Variants in CLUAP1 observed in about 807,000 individuals in gnomAD.
The protein encoded by CLUAP1 is intraflagellar transport 38.
CLUAP1 carries 50 observed loss-of-function variants against 55.0 expected under a neutral mutation model. The ratio of observed to expected loss-of-function variants is 0.91; its 90% CI spans 0.72 to 1.15. CLUAP1 has a LOEUF of 1.15. Ranked by LOEUF, CLUAP1 falls within the 50% of genes most tolerant of loss-of-function variation. The pLI, the probability that CLUAP1 is intolerant of heterozygous loss-of-function variation, is 0.00. For missense variants in CLUAP1, 530 were observed against 507.6 expected (o/e 1.04, Z -0.42); for synonymous variants, 195 against 175.4 (o/e 1.11, Z -0.88).
At chr16:3,503,406 A>G (rs1020101388) in intron 1 of CLUAP1, among the ~76,000 whole-genome samples, 4 of 151,668 alleles carry the variant, frequency 2.6e-5, no homozygotes, top group Admixed American at 2.6e-4. Flanking sequence ...CTTGTGATCC[A>G]CTCGCCTCGG....
At chr16:3,511,028 C>CT (rs1456165424) in intron 4 of CLUAP1, among the ~76,000 whole-genome samples, 6 of 152,182 alleles carry the variant, frequency 3.9e-5, no homozygotes, top group Non-Finnish European at 8.8e-5. Flanking sequence ...GAATGAAACT[C>CT]TGACTCGCTC....
upstream of CLUAP1, among the ~76,000 whole-genome samples, chr16:3,498,760 C>G (rs920382502): frequency 6.6e-5 from 10 of 151,688 alleles, no homozygotes. Flanking sequence ...CTTGGGAGGC[C>G]GAGGCAGGAG....
At chr16:3,514,900 C>T (rs2151052056) in intron 5 of CLUAP1, among the ~76,000 whole-genome samples, 1 of 152,294 alleles carries the variant, frequency 6.6e-6, no homozygotes, top group Non-Finnish European at 1.5e-5. Context: ...AAGTTTTCAG[C>T]ACTGATATGA....
intron 9 of CLUAP1, among the ~76,000 whole-genome samples, chr16:3,529,147 T>C (rs1406255719): frequency 1.3e-5 from 2 of 151,920 alleles, no homozygotes; most frequent in East Asian, 1.9e-4. Context: ...TCCTCCCATA[T>C]ACTTTAAGTC....
At chr16:3,500,716 T>C (rs528587561), upstream of CLUAP1, among the ~76,000 whole-genome samples, 1 of 152,104 alleles carries the variant, frequency 6.6e-6, no homozygotes, top group South Asian at 2.1e-4. Context: ...ATAAGCAATA[T>C]GGAAAGCGCC....
intron 4 of CLUAP1, among the ~76,000 whole-genome samples, chr16:3,510,290 G>C (rs954449209): frequency 2.6e-5 from 4 of 150,950 alleles, no homozygotes; most frequent in Non-Finnish European, 4.4e-5. Context: ...CACCGCACCC[G>C]GCTTTGTATT....
rs2037547702 is a variant in CLUAP1, at chr16:3,508,305, T to G, written c.236T>G (p.Ile79Arg). 3 of 1,600,174 alleles carry G rather than the reference T, an allele frequency of 1.9e-6. No individual in the cohort carries two copies. Among genetic ancestry groups the G allele is most frequent in the Non-Finnish European group, 2.5e-6 (3 of 1,176,580 alleles). ...IAQFMATKAHIKLNTKKLYQA... is the reference protein window; with the variant it reads ...IAQFMATKAHRKLNTKKLYQA... The stretch of plus-strand genomic sequence containing the variant: ...TAAAAATAGGCCACCAAGGCACATA[T>G]AAAACTCAACACTAAGAAGCTTTAT... The change falls in exon 4 of 12, where the codon ATA becomes AGA. Residue 79 changes from isoleucine to arginine, a missense_variant. Coordinates refer to ENST00000576634, the MANE Select transcript of CLUAP1 (RefSeq NM_015041.3).
At chr16:3,519,779 A>G (rs755839888) in intron 6 of CLUAP1, 124 bp from the exon 7 acceptor site, 158 of 915,454 alleles carry the variant, frequency 1.7e-4, no homozygotes, top group Non-Finnish European at 2.2e-4. Flanking sequence ...GGAAGTGTCT[A>G]TTTGTTTGCT....
At chr16:3,511,256 A>G (rs1348589529) in intron 4 of CLUAP1, among the ~76,000 whole-genome samples, 9 of 152,196 alleles carry the variant, frequency 5.9e-5, no homozygotes, top group Admixed American at 4.6e-4. Context: ...TTGGTTGTCC[A>G]GGAGAGAGGG....
chr16:3,506,293 G>T (rs1458404075), intron 2 of CLUAP1, 38 bp from the exon 3 acceptor site: 1 of 1,527,490 alleles, frequency 6.5e-7, no homozygotes, highest in Non-Finnish European at 9.1e-7. Context: ...CTTTCTCCTT[G>T]GTTAACCCGT....
intron 11 of CLUAP1, 87 bp from the exon 12 acceptor site, chr16:3,536,035 C>T (rs2038224441): frequency 3.3e-6 from 5 of 1,500,998 alleles, no homozygotes; most frequent in Non-Finnish European, 4.5e-6. Flanking sequence ...AGGGATGCTG[C>T]TATAGAAAGG....
chr16:3,506,361 C>T lies in CLUAP1; in HGVS notation c.165C>T (p.Asp55=), dbSNP rs571721661. The change falls in exon 3 of 12, where the codon GAC becomes GAT. Residue 55 remains aspartate (D), a synonymous_variant. Transcript: ENST00000576634. The stretch of plus-strand genomic sequence containing the variant: ...AGCCCCAGACTGACATCCCGCCTGA[C>T]GTGGATACTGAACAGGACCGAGTTT... ...RYEPQTDIPP[D]VDTEQDRVFF... is the part of the protein sequence containing the mutation. 23 of 1,613,832 alleles carry T rather than the reference C, an allele frequency of 1.4e-5. No individual in the cohort carries two copies. In the South Asian group the frequency reaches 2.0e-4, roughly 14 times the overall value.
chr16:3,530,036 C>G (rs1001970643), intron 9 of CLUAP1, among the ~76,000 whole-genome samples: 2 of 147,956 alleles, frequency 1.4e-5, no homozygotes, highest in African/African-American at 2.5e-5. Flanking sequence ...AGCCACAGTT[C>G]TAGGAGCAAG....
At chr16:3,515,045 G>A (rs893180054) in intron 5 of CLUAP1, among the ~76,000 whole-genome samples, 4 of 152,082 alleles carry the variant, frequency 2.6e-5, no homozygotes, top group Non-Finnish European at 4.4e-5. Flanking sequence ...GCTTAGTTTG[G>A]GAGTCACCTG....
intron 9 of CLUAP1, among the ~76,000 whole-genome samples, chr16:3,527,293 C>G (rs2037963667): frequency 6.6e-6 from 1 of 152,198 alleles, no homozygotes; most frequent in Non-Finnish European, 1.5e-5. Context: ...ATAATCCTCG[C>G]TCTACAATCA....
At chr16:3,496,376 C>A, upstream of CLUAP1, 1 of 1,182,736 alleles carries the variant, frequency 8.5e-7, no homozygotes, top group Non-Finnish European at 1.2e-6. Flanking sequence ...TCGCACCAAC[C>A]GGCCACCTCT....
chr16:3,521,272 TAACAG>T (rs754086569), intron 7 of CLUAP1, among the ~76,000 whole-genome samples: 4 of 152,224 alleles, frequency 2.6e-5, no homozygotes, highest in Non-Finnish European at 4.4e-5. Context: ...CAAATCATTT[TAACAG>T]AAAAGTCTCT....
intron 8 of CLUAP1, among the ~76,000 whole-genome samples, chr16:3,525,941 TC>T (rs1468694577): frequency 1.3e-5 from 2 of 152,184 alleles, no homozygotes; most frequent in Non-Finnish European, 2.9e-5. Context: ...CCACCCCTGT[TC>T]CCATCCTTAC....
upstream of CLUAP1, among the ~76,000 whole-genome samples, chr16:3,498,709 A>T (rs978748020): frequency 8.6e-5 from 13 of 151,982 alleles, no homozygotes; most frequent in Non-Finnish European, 1.6e-4. Flanking sequence ...AATACAAAAA[A>T]ATTAGCCGGG....
Sources: gnomAD v4.1 joint callset for allele counts (sites outside exome capture counted in the v4.1 genomes callset) on GRCh38, gnomAD v4.1.1 for gene constraint, MANE v1.5 for transcripts, NCBI Gene and HGNC (gene_info 2026-07-23, HGNC 2026-07-21) for gene names.